Variants in USP48 observed in about 807,000 individuals in gnomAD.
The protein encoded by USP48 is ubiquitin carboxyl-terminal hydrolase 48.
In USP48, 43 loss-of-function variants were observed where a neutral mutation model predicts 150.7. The observed-to-expected ratio is 0.29, with a 90% CI of 0.22 to 0.37. The LOEUF is 0.37. Ranked by LOEUF, USP48 falls within the 10% of genes least tolerant of loss-of-function variation. The pLI, the probability that USP48 is intolerant of heterozygous loss-of-function variation, is 1.00. For synonymous variants in USP48, 396 were observed against 425.9 expected (o/e 0.93, Z 0.86); for missense variants, 813 against 1,249.6 (o/e 0.65, Z 5.27).
intron 1 of USP48, among the ~76,000 whole-genome samples, chr1:21,765,394 T>C (rs976864965): frequency 4.6e-5 from 7 of 152,056 alleles, no homozygotes; most frequent in Non-Finnish European, 8.8e-5. Flanking sequence ...GGCAGGCGGA[T>C]CACTTGAGGT....
intron 22 of USP48, among the ~76,000 whole-genome samples, chr1:21,697,462 G>C (rs1205799132): frequency 2.6e-5 from 4 of 152,242 alleles, no homozygotes; most frequent in Non-Finnish European, 4.4e-5. Flanking sequence ...AGGAGATTGA[G>C]ACCATCCTGG....
intron 26 of USP48, 151 bp downstream of exon 26, chr1:21,680,657 C>A (rs768327426): frequency 1.7e-4 from 126 of 745,868 alleles, no homozygotes; most frequent in Non-Finnish European, 2.6e-4. Context: ...AATGAAGAAG[C>A]TTGAGTAAGA....
chr1:21,715,935 A>G (rs939522179), intron 14 of USP48, among the ~76,000 whole-genome samples: 7 of 152,178 alleles, frequency 4.6e-5, no homozygotes, highest in African/African-American at 1.7e-4. Flanking sequence ...AAGACCCTCA[A>G]TGGATGCCTA....
chr1:21,700,637 A>G (rs1325480185), intron 22 of USP48, among the ~76,000 whole-genome samples: 1 of 152,180 alleles, frequency 6.6e-6, no homozygotes, highest in Non-Finnish European at 1.5e-5. Flanking sequence ...CAAACATCTC[A>G]TCTGTTAAAA....
chr1:21,775,386 T>C (rs939544211), intron 1 of USP48, among the ~76,000 whole-genome samples: 2 of 152,152 alleles, frequency 1.3e-5, no homozygotes, highest in Non-Finnish European at 2.9e-5. Context: ...CTCAGCCTCC[T>C]GAGTAGCTGG....
At chr1:21,779,419 C>G (rs1341774931) in intron 1 of USP48, among the ~76,000 whole-genome samples, 2 of 151,514 alleles carry the variant, frequency 1.3e-5, no homozygotes, top group Non-Finnish European at 2.9e-5. Context: ...TGGTGGTGGG[C>G]GTCTGTAATC....
intron 9 of USP48, among the ~76,000 whole-genome samples, chr1:21,732,232 T>G (rs111698025): frequency 6.6e-6 from 1 of 151,728 alleles, no homozygotes; most frequent in Non-Finnish European, 1.5e-5. Context: ...TGGGCCAAGA[T>G]AGCACCACTG....
chr1:21,699,993 C>G (rs1157512686), intron 22 of USP48, among the ~76,000 whole-genome samples: 1 of 146,112 alleles, frequency 6.8e-6, no homozygotes, highest in Non-Finnish European at 1.5e-5. Flanking sequence ...TGTCTGCAAA[C>G]GCTTGTGGAG....
chr1:21,753,260 A>T (rs2097821420), intron 3 of USP48, 141 bp from the exon 4 acceptor site: 1 of 975,984 alleles, frequency 1.0e-6, no homozygotes, highest in East Asian at 3.3e-5. Context: ...TTAAAACTTT[A>T]AAAGAAATAG....
chr1:21,704,322 T>G lies in USP48; in HGVS notation c.2455A>C (p.Ile819Leu), dbSNP rs1189566709. ...KLFVVDHVIK[I>L]TRIEVGDVNP... is the part of the protein sequence containing the mutation. The stretch of plus-strand genomic sequence containing the variant: ...ACATCTCCCACTTCAATTCTCGTGA[T>G]TTTAATTACATGATCCACAACAAAG... Residue 819 changes from isoleucine to leucine, a missense_variant, in exon 20 of 27, where the codon ATC becomes CTC. Coordinates refer to ENST00000308271, the MANE Select transcript of USP48 (RefSeq NM_032236.8). 1 of 1,613,962 alleles carries G rather than the reference T, an allele frequency of 6.2e-7. No homozygotes were observed. Among genetic ancestry groups the G allele is most frequent in the African/African-American group, 1.3e-5 (1 of 74,904 alleles).
chr1:21,741,464 TAG>T (rs1452229053), intron 8 of USP48, among the ~76,000 whole-genome samples: 4 of 152,126 alleles, frequency 2.6e-5, no homozygotes, highest in African/African-American at 9.7e-5. Flanking sequence ...AAGGACAAAA[TAG>T]ACACTTTCAG....
intron 19 of USP48, among the ~76,000 whole-genome samples, chr1:21,704,785 G>A (rs1200684564): frequency 6.6e-6 from 1 of 152,068 alleles, no homozygotes; most frequent in Non-Finnish European, 1.5e-5. Flanking sequence ...ACAGTGGTTA[G>A]TGTGAGAGGA....
At chr1:21,722,268 G>C (rs1226513748) in intron 12 of USP48, among the ~76,000 whole-genome samples, 1 of 151,906 alleles carries the variant, frequency 6.6e-6, no homozygotes, top group African/African-American at 2.4e-5. Flanking sequence ...ACAGTGGCAG[G>C]TATAGTGGCT....
At chr1:21,684,799 G>T (rs2097576317) in intron 25 of USP48, among the ~76,000 whole-genome samples, 2 of 152,132 alleles carry the variant, frequency 1.3e-5, no homozygotes, top group Non-Finnish European at 2.9e-5. Context: ...AGTGAAGAGG[G>T]TGCCCTTTCC....
At chr1:21,741,093 T>G (rs2097780422) in intron 8 of USP48, among the ~76,000 whole-genome samples, 2 of 152,152 alleles carry the variant, frequency 1.3e-5, no homozygotes, top group African/African-American at 4.8e-5. Context: ...GTTGGAAAAT[T>G]TTCAGATGCC....
chr1:21,718,732 A>G (rs1424463227), intron 14 of USP48, among the ~76,000 whole-genome samples: 1 of 151,806 alleles, frequency 6.6e-6, no homozygotes, highest in Admixed American at 6.6e-5. Context: ...TAATTTTTGT[A>G]TTTTTAGTAG....
intron 1 of USP48, among the ~76,000 whole-genome samples, chr1:21,781,345 A>G (rs112774659): frequency 0.11 from 17,427 of 152,226 alleles, 1,203 homozygotes; most frequent in African/African-American, 0.18. Context: ...AGGCTGAGGC[A>G]GGAGAATCGC....
intron 22 of USP48, among the ~76,000 whole-genome samples, chr1:21,698,974 G>T (rs1005575364): frequency 1.3e-5 from 2 of 152,240 alleles, no homozygotes; most frequent in East Asian, 3.9e-4. Flanking sequence ...GGTACTGCCA[G>T]CCAAACAGAC....
chr1:21,747,226 A>T, intron 7 of USP48, 77 bp from the exon 8 acceptor site: 1 of 983,048 alleles, frequency 1.0e-6, no homozygotes, highest in East Asian at 2.8e-5. Flanking sequence ...TAGCTATTTT[A>T]ATAAACTCAA....
Sources: gnomAD v4.1 joint callset for allele counts (sites outside exome capture counted in the v4.1 genomes callset) on GRCh38, gnomAD v4.1.1 for gene constraint, MANE v1.5 for transcripts, NCBI Gene and HGNC (gene_info 2026-07-23, HGNC 2026-07-21) for gene names.